SNX31: variants seen among roughly 807,000 people sequenced by gnomAD.
SNX31 encodes the protein sorting nexin 31.
A neutral mutation model predicts 65.4 loss-of-function variants in SNX31; 58 were observed. That is an observed-to-expected ratio of 0.89 (90% CI 0.72 to 1.10). SNX31 has a LOEUF of 1.10. SNX31 is among the 50% of genes least tolerant of loss of function. The pLI is 0.00. For missense variants in SNX31, 523 were observed against 529.7 expected (o/e 0.99, Z 0.12); for synonymous variants, 181 against 190.1 (o/e 0.95, Z 0.39).
intron 2 of SNX31, among the ~76,000 whole-genome samples, chr8:100,642,763 C>A (rs1316447712): frequency 6.6e-6 from 1 of 152,224 alleles, no homozygotes; most frequent in Non-Finnish European, 1.5e-5. Context: ...TCAGCCCTAC[C>A]TGTCTTTCAA....
rs565216069 is a variant in SNX31, at chr8:100,630,928, C to A, written c.257-537G>T. ...TCAGCCTCTGAAGTAGCTGGGATTACAGGCACTCACCACCATGCCCGGCTA... is the reference window on the plus strand; with the variant it reads ...TCAGCCTCTGAAGTAGCTGGGATTAAAGGCACTCACCACCATGCCCGGCTA... On this transcript the variant is annotated intron_variant, in intron 3 of 13. Transcript: ENST00000311812. This position sits in a 1 kb window ranked among gnomAD's most constrained non-coding sequence, Gnocchi z 5.3. Among the ~76,000 whole-genome samples the A allele has an allele frequency of 4.6e-4, 70 of 152,196 alleles. No homozygotes were observed. Among genetic ancestry groups the A allele is most frequent in the Admixed American group, 1.6e-3 (25 of 15,288 alleles).
intron 12 of SNX31, among the ~76,000 whole-genome samples, chr8:100,581,319 C>CTATATATATATATATATATATA (rs1261112864): frequency 2.9e-4 from 36 of 123,046 alleles, no homozygotes; most frequent in African/African-American, 1.2e-3. Flanking sequence ...TTTTATATAT[C>CTATATATATATATATATATATA]TATATCTATC....
At chr8:100,637,228 C>G (rs1050803091) in intron 2 of SNX31, among the ~76,000 whole-genome samples, 1 of 152,180 alleles carries the variant, frequency 6.6e-6, no homozygotes, top group Admixed American at 6.5e-5. Context: ...AAATGTGCAT[C>G]TTTATTCCAG....
intron 13 of SNX31, among the ~76,000 whole-genome samples, chr8:100,574,328 C>T (rs1812854299): frequency 1.3e-5 from 2 of 152,258 alleles, no homozygotes; most frequent in South Asian, 2.1e-4. Flanking sequence ...CACACAAATA[C>T]AAACTTTAAA....
intron 13 of SNX31, among the ~76,000 whole-genome samples, chr8:100,574,672 C>T (rs1036093789): frequency 6.6e-5 from 10 of 150,620 alleles, no homozygotes; most frequent in African/African-American, 1.2e-4. Context: ...CAGTGGCTCA[C>T]GCCTGTAATC....
intron 3 of SNX31, among the ~76,000 whole-genome samples, chr8:100,632,979 C>T (rs1818510632): frequency 6.6e-6 from 1 of 152,138 alleles, no homozygotes; most frequent in Non-Finnish European, 1.5e-5. Context: ...GCATGGAGTG[C>T]AGTGGCAAGA....
chr8:100,587,063 C>A lies in SNX31; in HGVS notation c.1092+1803G>T, dbSNP rs1814111723. 2.6e-5 allele frequency among the ~76,000 whole-genome samples: 4 copies of A among 152,148 alleles called. 1 individual carries two copies. The highest frequency in any genetic ancestry group is 2.1e-4 in the South Asian group (1 of 4,830). On this transcript the variant is annotated intron_variant, in intron 11 of 13. Transcript: ENST00000311812. Reference sequence around the variant, plus strand: ...TTGCCCCTTCTTCTTTCCTAAGAGACCCTGATTTTGTTTGGGACGATAACA... The same window carrying A: ...TTGCCCCTTCTTCTTTCCTAAGAGAACCTGATTTTGTTTGGGACGATAACA...
At position 100,630,419 on chromosome 8, in the gene SNX31, T is replaced by C. The variant is rs1275963837; in HGVS notation, c.257-28A>G. On this transcript the variant is annotated intron_variant, in intron 3 of 13. Transcript: ENST00000311812. The surrounding 1 kb of genome is among the most constrained non-coding windows in gnomAD (Gnocchi z 5.3). ...GAAAAACATGGACGGTGAGCCAGGT[T>C]AGCATGGGCTGGGCTGGGCCCTGCC... 6.2e-7 allele frequency: 1 copy of C among 1,605,872 alleles called. No homozygotes were observed. The highest frequency in any genetic ancestry group is 8.5e-7 in the Non-Finnish European group (1 of 1,175,322).
At chr8:100,608,711 T>A in intron 7 of SNX31, 148 bp from the exon 8 acceptor site, 2 of 682,468 alleles carry the variant, frequency 2.9e-6, no homozygotes. Flanking sequence ...CAGCTTTCAC[T>A]CTGCCCCTCC....
upstream of SNX31, among the ~76,000 whole-genome samples, chr8:100,652,027 G>C (rs931869556): frequency 2.0e-5 from 3 of 152,022 alleles, no homozygotes; most frequent in African/African-American, 7.3e-5. Flanking sequence ...CACCCAGGCC[G>C]GAGTGCAGTG....
chr8:100,660,756 C>T lies in SNX31; in HGVS notation c.-58+2386G>A, dbSNP rs1809772061. Among the ~76,000 whole-genome samples, 1 of 152,156 alleles carries T rather than the reference C, an allele frequency of 6.6e-6. No homozygotes were observed. On this transcript the variant is annotated intron_variant, in intron 1 of 5. Transcript: ENST00000520352. The surrounding 1 kb of genome is among the most constrained non-coding windows in gnomAD (Gnocchi z 4.1). ...CCTCTCCACAGACCCCAACGATTAG[C>T]CATAAAATGAGCTCACAAAGGCATT...
intron 2 of SNX31, among the ~76,000 whole-genome samples, chr8:100,641,649 T>TAC (rs1819242613): frequency 1.9e-5 from 1 of 51,710 alleles, no homozygotes; most frequent in Admixed American, 2.5e-4. Flanking sequence ...TATATATATA[T>TAC]ATATATATAT....
In SNX31 at chr8:100,574,380, T is replaced by A. The variant is rs1319600652; in HGVS notation, c.1228-420A>T. On this transcript the variant is annotated intron_variant, in intron 13 of 13. Coordinates refer to ENST00000311812, the MANE Select transcript of SNX31 (RefSeq NM_152628.4). ...CAGGCGCAGTGGCTCATGCCTGTAA[T>A]CCCAACACTTTGGGAGGCCAAGGCG... 2.6e-5 allele frequency among the ~76,000 whole-genome samples: 4 copies of A among 152,288 alleles called. No homozygotes were observed. The East Asian group carries it at 7.7e-4, about 29-fold the overall frequency.
chr8:100,582,039 A>C (rs1365512146), intron 12 of SNX31, among the ~76,000 whole-genome samples: 1 of 152,234 alleles, frequency 6.6e-6, no homozygotes, highest in Non-Finnish European at 1.5e-5. Context: ...TAAGTAAAAA[A>C]AATAAAGAGT....
intron 8 of SNX31, among the ~76,000 whole-genome samples, chr8:100,602,465 T>A (rs564119544): frequency 1.4e-4 from 22 of 152,364 alleles, no homozygotes; most frequent in African/African-American, 5.1e-4. Context: ...GGATGCCTGG[T>A]ACTGTCATGG....
At chr8:100,616,916 T>C (rs1370479882) in intron 5 of SNX31, among the ~76,000 whole-genome samples, 1 of 152,160 alleles carries the variant, frequency 6.6e-6, no homozygotes, top group Non-Finnish European at 1.5e-5. Flanking sequence ...TTTTCTCTTG[T>C]ATGTTTCTCT....
intron 10 of SNX31, among the ~76,000 whole-genome samples, chr8:100,589,462 C>T (rs1046325258): frequency 9.9e-5 from 15 of 152,230 alleles, no homozygotes; most frequent in African/African-American, 2.9e-4. Context: ...AAACACAGGT[C>T]TATGGAAGTA....
intron 1 of SNX31, among the ~76,000 whole-genome samples, chr8:100,661,034 C>A (rs1373298808): frequency 7.5e-6 from 1 of 133,378 alleles, no homozygotes; most frequent in Non-Finnish European, 1.5e-5. Context: ...GAGACAGGGT[C>A]TCTCTCTGTC....
chr8:100,588,666 A>G lies in SNX31; in HGVS notation c.1092+200T>C, dbSNP rs148728328. On this transcript the variant is annotated intron_variant, in intron 11 of 13. Coordinates refer to ENST00000311812, the MANE Select transcript of SNX31 (RefSeq NM_152628.4). The surrounding 1 kb of genome is among the most constrained non-coding windows in gnomAD (Gnocchi z 4.8). ...TAATTGGTAACTAAATTCATTTCTAACTGATACAAAGGCCACGGTGACTAG... is the reference window on the plus strand; with the variant it reads ...TAATTGGTAACTAAATTCATTTCTAGCTGATACAAAGGCCACGGTGACTAG... Among the ~76,000 whole-genome samples the G allele has an allele frequency of 6.6e-6, 1 of 152,330 alleles. No individual in the cohort carries two copies. Among genetic ancestry groups the G allele is most frequent in the East Asian group, 1.9e-4 (1 of 5,190 alleles).
Sources: gnomAD v4.1 joint callset for allele counts (sites outside exome capture counted in the v4.1 genomes callset) on GRCh38, gnomAD v4.1.1 for gene constraint, Gnocchi (gnomAD v3.1) non-coding constraint, MANE v1.5 for transcripts, NCBI Gene and HGNC (gene_info 2026-07-23, HGNC 2026-07-21) for gene names.